The following SLCO2A1 variants were observed in gnomAD, a reference collection of about 807,000 sequenced individuals.
The protein encoded by SLCO2A1 is solute carrier organic anion transporter family member 2A1, also known as matrin F/G 1.
In SLCO2A1, 60 loss-of-function variants were observed where a neutral mutation model predicts 71.7. That is an observed-to-expected ratio of 0.84 (90% confidence interval 0.68 to 1.04). The LOEUF is 1.04. Among genes scored for constraint, SLCO2A1 ranks in the 50% least tolerant of loss-of-function variants. The pLI, the probability that SLCO2A1 is intolerant of heterozygous loss-of-function variation, is 0.00. For missense variants in SLCO2A1, 745 were observed against 813.4 expected (o/e 0.92, Z 1.02); for synonymous variants, 308 against 326.7 (o/e 0.94, Z 0.62).
chr3:133,980,441 T>C (rs1236429348), intron 1 of SLCO2A1, among the ~76,000 whole-genome samples: 1 of 152,250 alleles, frequency 6.6e-6, no homozygotes, highest in Non-Finnish European at 1.5e-5. Flanking sequence ...GGTTTCATGA[T>C]GTCCCTAGTT....
At chr3:133,949,032 G>A in intron 6 of SLCO2A1, 61 bp from the exon 7 acceptor site, 2 of 1,422,926 alleles carry the variant, frequency 1.4e-6, no homozygotes, top group Non-Finnish European at 2.0e-6. Context: ...ACCCTTCCCT[G>A]AGCCCTTGAG....
At chr3:133,970,620 G>C (rs758953617) in intron 3 of SLCO2A1, among the ~76,000 whole-genome samples, 2 of 152,248 alleles carry the variant, frequency 1.3e-5, no homozygotes, top group Non-Finnish European at 2.9e-5. Context: ...CATGGATGAG[G>C]TTCCTGGGCC....
In SLCO2A1 at chr3:133,953,778, G is replaced by T. The variant is rs1033386201; in HGVS notation, c.626-17C>A. On this transcript the variant is annotated splice_polypyrimidine_tract_variant and intron_variant, in intron 4 of 13. Transcript: ENST00000310926. Reference sequence around the variant, plus strand: ...ATAAGATGGCTGGAAAAGGAAGTAAGGGGAAGGAGACTGAGATAAATGGAG... The same window carrying T: ...ATAAGATGGCTGGAAAAGGAAGTAATGGGAAGGAGACTGAGATAAATGGAG... The T allele has an allele frequency of 6.2e-7, 1 of 1,603,944 alleles. No homozygotes were observed. Among genetic ancestry groups the T allele is most frequent in the South Asian group, 1.1e-5 (1 of 90,868 alleles).
chr3:133,990,845 C>A (rs1252926288), intron 1 of SLCO2A1, among the ~76,000 whole-genome samples: 1 of 152,034 alleles, frequency 6.6e-6, no homozygotes, highest in African/African-American at 2.4e-5. Flanking sequence ...CATAGTGGCT[C>A]ACTGCTGTAA....
chr3:134,029,494 ACGCACACACACACGCT>A (rs1935775300), intron 1 of SLCO2A1, among the ~76,000 whole-genome samples, 197 bp downstream of exon 1: 1 of 122,666 alleles, frequency 8.2e-6, no homozygotes, highest in Admixed American at 7.9e-5. Context: ...ACACACTCGC[ACGCACACACACACGCT>A]CACACACACA....
intron 3 of SLCO2A1, among the ~76,000 whole-genome samples, chr3:133,963,920 A>G (rs1401988001): frequency 2.6e-5 from 4 of 152,244 alleles, no homozygotes; most frequent in African/African-American, 7.2e-5. Context: ...AAACTCACTC[A>G]TGATCTGAGA....
chr3:133,942,761 A>G lies in SLCO2A1; in HGVS notation c.1469T>C (p.Leu490Ser). 6.2e-7 allele frequency: 1 copy of G among 1,603,050 alleles called. No homozygotes were observed. The highest frequency in any genetic ancestry group is 8.5e-7 in the Non-Finnish European group (1 of 1,174,226). Reference sequence around the variant, plus strand: ...TCCCCCGGTCACACAGCTGCAGTTCAAATAGATCTTCAAGAGGAAGGGGAG... The same window carrying G: ...TCCCCCGGTCACACAGCTGCAGTTCGAATAGATCTTCAAGAGGAAGGGGAG... ...SSATSKQLIYLNCSCVTGGSA... is the reference protein window; with the variant it reads ...SSATSKQLIYSNCSCVTGGSA... The change falls in exon 11 of 14, where the codon TTG becomes TCG. Residue 490 changes from leucine (L) to serine (S), a missense_variant. Physicochemically the swap from Leu to Ser is moderately radical, Grantham distance 145. Coordinates refer to ENST00000310926, the MANE Select transcript of SLCO2A1 (RefSeq NM_005630.3).
chr3:133,937,633 C>T (rs916672403), intron 12 of SLCO2A1, among the ~76,000 whole-genome samples: 3 of 152,240 alleles, frequency 2.0e-5, no homozygotes, highest in Admixed American at 6.5e-5. Context: ...CTTATAGTAA[C>T]TGAAGTTCCT....
Position 133,979,469 on chromosome 3 carries a change from C to A in SLCO2A1, c.234+12G>T. On this transcript the variant is annotated intron_variant, in intron 2 of 13. Transcript: ENST00000310926. ...ACAAGTGGAGTCTGATGGACCAGAA[C>A]CTCCTGCTCACCTCATTCAAGCTGG... is the stretch of plus-strand genomic sequence containing the variant. 6.2e-7 allele frequency: 1 copy of A among 1,614,164 alleles called. No homozygotes were observed. The highest frequency in any genetic ancestry group is 8.5e-7 in the Non-Finnish European group (1 of 1,180,020).
rs993889467 is a variant in SLCO2A1, at chr3:134,024,256, C to T, written c.96+5451G>A. On this transcript the variant is annotated intron_variant, in intron 1 of 13. Coordinates refer to ENST00000310926, the MANE Select transcript of SLCO2A1 (RefSeq NM_005630.3). ...AGGAGAAAAATAAGACATCGTAAAG[C>T]GAGAGAAGCCCCTTATAGGTCTTTC... Among the ~76,000 whole-genome samples the T allele has an allele frequency of 6.4e-4, 98 of 152,306 alleles. 1 individual carries two copies. Among genetic ancestry groups the T allele is most frequent in the African/African-American group, 2.1e-3 (88 of 41,568 alleles).
intron 1 of SLCO2A1, among the ~76,000 whole-genome samples, chr3:133,994,767 C>G (rs937917787): frequency 6.6e-6 from 1 of 152,192 alleles, no homozygotes; most frequent in Non-Finnish European, 1.5e-5. Context: ...ATGCCCCCAA[C>G]CATTGTTGGG....
At chr3:134,014,340 C>T (rs1935400657) in intron 1 of SLCO2A1, among the ~76,000 whole-genome samples, 1 of 152,128 alleles carries the variant, frequency 6.6e-6, no homozygotes, top group Non-Finnish European at 1.5e-5. Flanking sequence ...TTCAGCAGGG[C>T]AAAGAGGCTG....
intron 1 of SLCO2A1, among the ~76,000 whole-genome samples, chr3:134,001,833 C>T (rs1935108948): frequency 6.6e-6 from 1 of 152,168 alleles, no homozygotes; most frequent in South Asian, 2.1e-4. Flanking sequence ...CCTCTCCTAT[C>T]AGAAAACCGT....
intron 1 of SLCO2A1, among the ~76,000 whole-genome samples, chr3:134,025,712 T>G (rs1935688962): frequency 6.6e-6 from 1 of 152,150 alleles, no homozygotes; most frequent in Admixed American, 6.5e-5. Context: ...AAAATGGCCC[T>G]TCCTGTACTA....
chr3:133,992,115 G>A (rs753615087), intron 1 of SLCO2A1, among the ~76,000 whole-genome samples: 8 of 152,214 alleles, frequency 5.3e-5, no homozygotes, highest in South Asian at 2.1e-4. Context: ...AGTTTAGTAC[G>A]CTCAACTTCA....
intron 1 of SLCO2A1, among the ~76,000 whole-genome samples, chr3:134,004,962 G>C (rs966506340): frequency 1.3e-5 from 2 of 152,212 alleles, no homozygotes; most frequent in African/African-American, 4.8e-5. Flanking sequence ...TTGTCAAATT[G>C]GGGGCTTTCC....
At chr3:134,012,098 G>A (rs1475270138) in intron 1 of SLCO2A1, among the ~76,000 whole-genome samples, 1 of 152,176 alleles carries the variant, frequency 6.6e-6, no homozygotes, top group East Asian at 1.9e-4. Context: ...TGAAACCTTT[G>A]TGATCTGGGA....
intron 1 of SLCO2A1, among the ~76,000 whole-genome samples, chr3:134,010,882 C>T (rs1034387009): frequency 7.9e-5 from 12 of 152,008 alleles, no homozygotes; most frequent in African/African-American, 2.7e-4. Flanking sequence ...GTGGGGCTTA[C>T]AATTCATGAT....
chr3:133,970,472 A>G (rs993143564), intron 3 of SLCO2A1, among the ~76,000 whole-genome samples: 1 of 152,252 alleles, frequency 6.6e-6, no homozygotes, highest in African/African-American at 2.4e-5. Context: ...TAAAATTTCC[A>G]TAAGAATACA....
Sources: allele counts gnomAD v4.1 joint callset (sites outside exome capture counted in the v4.1 genomes callset), GRCh38; gene constraint gnomAD v4.1.1; transcripts MANE v1.5; gene names NCBI Gene and HGNC (gene_info 2026-07-23, HGNC 2026-07-21).